Variants in NBPF12 observed in about 807,000 individuals in gnomAD.
The protein encoded by NBPF12 is NBPF family member NBPF12.
In NBPF12, 115 loss-of-function variants were observed where a neutral mutation model predicts 146.4. The ratio of observed to expected loss-of-function variants is 0.79; its 90% CI spans 0.68 to 0.92. The LOEUF (loss-of-function observed/expected upper bound fraction) is 0.92. NBPF12 is among the 40% of genes least tolerant of loss of function. The pLI is 0.00. For missense variants in NBPF12, 1,205 were observed against 1,326.8 expected, an observed-to-expected ratio of 0.91 and a Z score of 1.43; for synonymous variants, 385 against 508.9, an observed-to-expected ratio of 0.76 and a Z score of 3.28.
upstream of NBPF12, among the ~76,000 whole-genome samples, chr1:146,944,325 G>A (rs1332178370): frequency 2.8e-5 from 4 of 142,794 alleles, no homozygotes; most frequent in African/African-American, 7.6e-5. Context: ...GGCATTGAGA[G>A]GGGGAGAAAG....
At chr1:146,972,290 A>C (rs1378641256) in intron 13 of NBPF12, among the ~76,000 whole-genome samples, 2 of 151,102 alleles carry the variant, frequency 1.3e-5, no homozygotes, top group African/African-American at 4.9e-5. Context: ...GATGCTTGGC[A>C]GGCTGAGTGA....
At chr1:146,981,289 AAAAAAATATAT>A (rs1324010773) in intron 19 of NBPF12, among the ~76,000 whole-genome samples, 1 of 113,008 alleles carries the variant, frequency 8.8e-6, no homozygotes, top group African/African-American at 3.7e-5. Flanking sequence ...AAAAAAAAAA[AAAAAAATATAT>A]ATATATATAT....
Position 146,984,765 on chromosome 1 carries a change from G to T in NBPF12, c.2667-48G>T, listed in dbSNP as rs1437329596. On this transcript the variant is annotated intron_variant, in intron 21 of 33. Coordinates refer to ENST00000617844, the Ensembl canonical transcript of NBPF12. ...CATGAAATCTAGCTGGGGCTGTGTG[G>T]TTTCTGATTCCCCCTGGCTTATTCT... The T allele has an allele frequency of 4.6e-6, 4 of 867,668 alleles. No individual in the cohort carries two copies. In the Admixed American group the frequency reaches 7.1e-5, roughly 15 times the overall value. The allele number at this position is 867,668 out of a possible 1,614,324, so 53.7% of individuals were successfully genotyped here. A position where few individuals can be genotyped will look rare whatever the true frequency, so the allele number is the denominator to read the frequency against.
chr1:146,961,812 C>T (rs1655868784), intron 4 of NBPF12, among the ~76,000 whole-genome samples: 1 of 151,932 alleles, frequency 6.6e-6, no homozygotes, highest in Non-Finnish European at 1.5e-5. Context: ...CTACTTCATG[C>T]CCCAGTGCAG....
At chr1:146,974,280 G>T (rs1656851118) in intron 14 of NBPF12, among the ~76,000 whole-genome samples, 1 of 143,294 alleles carries the variant, frequency 7.0e-6, no homozygotes, top group South Asian at 2.2e-4. Flanking sequence ...AAAAATCAAA[G>T]ATTTTTAAAA....
In NBPF12 at chr1:146,974,855, A is replaced by C; in HGVS notation, c.1904+14A>C. On this transcript the variant is annotated intron_variant, in intron 15 of 33. Coordinates refer to ENST00000617844, the Ensembl canonical transcript of NBPF12. The stretch of plus-strand genomic sequence containing the variant: ...TGAGGAGCTCAGGTGAGGGGACCCC[A>C]TGGGGGCAGACAGGGGGGCAGGTGT... 1 of 1,299,244 alleles carries C rather than the reference A, an allele frequency of 7.7e-7. No individual in the cohort carries two copies. The highest frequency in any genetic ancestry group is 1.0e-6 in the Non-Finnish European group (1 of 957,146). The allele number at this position is 1,299,244 out of a possible 1,614,324, so 80.5% of individuals were successfully genotyped here.
At chr1:146,948,302 C>G (rs1655160986), upstream of NBPF12, among the ~76,000 whole-genome samples, 1 of 151,872 alleles carries the variant, frequency 6.6e-6, no homozygotes, top group African/African-American at 2.4e-5. Context: ...GAGCCACGGC[C>G]TGACCTGAAC....
chr1:146,976,426 A>G (rs1310488800), intron 16 of NBPF12, among the ~76,000 whole-genome samples: 1 of 128,150 alleles, frequency 7.8e-6, no homozygotes, highest in Non-Finnish European at 1.6e-5. Flanking sequence ...ATGTGGGGGC[A>G]TTTTGTGGTA....
In NBPF12 at chr1:146,957,841, AAT is replaced by A. The variant is rs1553884492; in HGVS notation, c.-183-2004_-183-2003del. Among the ~76,000 whole-genome samples the A allele has an allele frequency of 1.4e-4, 16 of 116,974 alleles. 1 individual carries two copies. In the East Asian group the frequency reaches 1.5e-3, roughly 11 times the overall value. The allele number at this position is 116,974 out of a possible 152,430, so 76.7% of individuals were successfully genotyped here. A position where few individuals can be genotyped will look rare whatever the true frequency, so the allele number is the denominator to read the frequency against. ...CACTTAAAAAAGAAAAAAAAAATAT[AAT>A]ATATATATATATACACGTGTTATAT... On this transcript the variant is annotated intron_variant, in intron 2 of 33. Transcript: ENST00000617844.
chr1:146,964,936 C>A, exon 8 of NBPF12: 2 of 1,608,472 alleles, frequency 1.2e-6, no homozygotes, highest in Non-Finnish European at 1.7e-6. Flanking sequence ...TGAGGACTCA[C>A]TGGAGGAATG....
Position 146,980,487 on chromosome 1 carries a change from G to C in NBPF12, c.2450+1477G>C, listed in dbSNP as rs1288921364. On this transcript the variant is annotated intron_variant, in intron 19 of 33. Coordinates refer to ENST00000617844, the Ensembl canonical transcript of NBPF12. ...CTTTCCATGTTTAGTGCTTCCTTTA[G>C]GAGCTCTTTTTGGGCAGGCCTGGTG... 2.0e-5 allele frequency among the ~76,000 whole-genome samples: 3 copies of C among 151,768 alleles called. No homozygotes were observed. The East Asian group carries it at 5.8e-4, about 29-fold the overall frequency.
At position 146,963,107 on chromosome 1, in the gene NBPF12, C is replaced by T; in HGVS notation, c.291C>T (p.Val97=). The change falls in exon 6 of 34, where the codon GTC becomes GTT. Residue 97 remains valine, a synonymous_variant. Transcript: ENST00000617844. ...CGTCTCACCTTAGGCAATATAAAGT[C>T]CTGGTTCACTCTCAGGAACGAGAGC... The T allele has an allele frequency of 3.7e-6, 6 of 1,609,614 alleles. No individual in the cohort carries two copies. In the South Asian group the frequency reaches 5.5e-5, roughly 15 times the overall value.
chr1:146,972,103 AGT>A (rs1176372741), intron 13 of NBPF12, among the ~76,000 whole-genome samples: 11 of 148,378 alleles, frequency 7.4e-5, no homozygotes, highest in East Asian at 2.0e-4. Context: ...AAAAAAAAAA[AGT>A]AAGTCTCTGA....
chr1:146,982,687 C>G (rs1473562038), intron 19 of NBPF12, among the ~76,000 whole-genome samples: 1 of 150,088 alleles, frequency 6.7e-6, no homozygotes, highest in Non-Finnish European at 1.5e-5. Context: ...AGTCTGGGTG[C>G]CCTGAGTTGG....
At chr1:146,977,409 G>C in intron 17 of NBPF12, 57 bp from the exon 21 acceptor site, 1 of 801,716 alleles carries the variant, frequency 1.2e-6, no homozygotes, top group Non-Finnish European at 2.1e-6. Flanking sequence ...GGACTCCCTG[G>C]GGTCCAATCC....
rs1433128829 is a variant in NBPF12 at position 146,972,351 on chromosome 1, G to A, written c.1592-400G>A. Among the ~76,000 whole-genome samples the A allele has an allele frequency of 3.3e-5, 5 of 151,388 alleles. No individual in the cohort carries two copies. In the East Asian group the frequency reaches 7.7e-4, roughly 23 times the overall value. ...AGAGGTGGCAGTGAGCTGAGATTGT[G>A]CCTCTGCACTGCAGCCTGCGTGACA... On this transcript the variant is annotated intron_variant, in intron 13 of 33. Coordinates refer to ENST00000617844, the Ensembl canonical transcript of NBPF12.
exon 34 of NBPF12, chr1:146,994,525 G>T (rs782420853): frequency 5.6e-6 from 9 of 1,609,492 alleles, no homozygotes; most frequent in African/African-American, 5.4e-5. Flanking sequence ...TACTTTGACG[G>T]TGACAAGTCT....
exon 34 of NBPF12, chr1:146,995,470 A>T (rs587736377): frequency 8.2e-6 from 1 of 122,304 alleles, no homozygotes; most frequent in Non-Finnish European, 1.8e-5. Context: ...GTTGAAAAAA[A>T]GTAAAAAGAT....
intron 2 of NBPF12, among the ~76,000 whole-genome samples, chr1:146,955,870 TCCTGTTAAGAATG>T (rs1302777459): frequency 6.6e-6 from 1 of 151,414 alleles, no homozygotes; most frequent in Non-Finnish European, 1.5e-5. Context: ...ACTAAATGGC[TCCTGTTAAGAATG>T]CCTTCGTTAT....
Sources: gnomAD v4.1 joint callset for allele counts (sites outside exome capture counted in the v4.1 genomes callset) on GRCh38, gnomAD v4.1.1 for gene constraint, MANE v1.5 for transcripts, NCBI Gene and HGNC (gene_info 2026-07-23, HGNC 2026-07-21) for gene names.